Variants in EPHB2 observed in about 807,000 individuals in gnomAD.
EPHB2 encodes EPH receptor B2.
A neutral mutation model predicts 96.4 loss-of-function variants in EPHB2; 18 were observed. That is an observed-to-expected ratio of 0.19 (90% confidence interval 0.13 to 0.28). The LOEUF is 0.28. Among genes scored for constraint, EPHB2 ranks in the 10% least tolerant of loss-of-function variants. The pLI is 1.00. For missense variants in EPHB2, 989 were observed against 1,355.4 expected, an observed-to-expected ratio of 0.73 and a Z score of 4.25; for synonymous variants, 506 against 534.1, an observed-to-expected ratio of 0.95 and a Z score of 0.72.
chr1:22,907,485 A>C (rs1414071151), intron 11 of EPHB2, among the ~76,000 whole-genome samples: 2 of 152,232 alleles, frequency 1.3e-5, no homozygotes, highest in African/African-American at 4.8e-5. Context: ...AGACCAAGTC[A>C]ACCAACCAGA....
At chr1:22,730,653 G>GT (rs1643688104) in intron 1 of EPHB2, among the ~76,000 whole-genome samples, 1 of 152,018 alleles carries the variant, frequency 6.6e-6, no homozygotes, top group Non-Finnish European at 1.5e-5. Context: ...GGGGGAGGGT[G>GT]TTTCAGGCAG....
chr1:22,753,227 GCTGTGT>G (rs1353895636), intron 1 of EPHB2, among the ~76,000 whole-genome samples: 1 of 152,188 alleles, frequency 6.6e-6, no homozygotes, highest in African/African-American at 2.4e-5. Flanking sequence ...CCAAATCTTG[GCTGTGT>G]GACCCTGGGC....
chr1:22,796,697 T>C (rs1420002229), intron 3 of EPHB2, among the ~76,000 whole-genome samples: 8 of 152,238 alleles, frequency 5.3e-5, no homozygotes, highest in Non-Finnish European at 1.2e-4. Context: ...CGCCTGACTC[T>C]GTGCCTCTTG....
chr1:22,727,650 G>T (rs922307654), intron 1 of EPHB2, among the ~76,000 whole-genome samples: 1 of 152,096 alleles, frequency 6.6e-6, no homozygotes, highest in Non-Finnish European at 1.5e-5. Context: ...GGAACTTGGG[G>T]CTAGATCTAT....
chr1:22,720,679 A>G (rs1233785649), intron 1 of EPHB2, among the ~76,000 whole-genome samples: 1 of 31,008 alleles, frequency 3.2e-5, no homozygotes, highest in Non-Finnish European at 6.8e-5. Context: ...CCCCCGCCCC[A>G]GCACTTACCC....
intron 3 of EPHB2, among the ~76,000 whole-genome samples, chr1:22,854,576 T>C (rs1156455797): frequency 6.6e-6 from 1 of 152,214 alleles, no homozygotes; most frequent in Non-Finnish European, 1.5e-5. Context: ...TAAGTCTCTA[T>C]GTGATTTGGA....
At chr1:22,712,737 G>A (rs1643187235) in intron 1 of EPHB2, among the ~76,000 whole-genome samples, 1 of 152,212 alleles carries the variant, frequency 6.6e-6, no homozygotes, top group Admixed American at 6.5e-5. Context: ...CAGCCCTGGG[G>A]CCTGGCTGCT....
At chr1:22,780,050 G>A (rs536129629) in intron 1 of EPHB2, among the ~76,000 whole-genome samples, 2 of 152,336 alleles carry the variant, frequency 1.3e-5, no homozygotes, top group Admixed American at 6.5e-5. Context: ...GCTAGCCACG[G>A]TTTTCTCTCT....
intron 1 of EPHB2, among the ~76,000 whole-genome samples, chr1:22,727,080 T>C (rs1643598623): frequency 1.3e-5 from 2 of 152,196 alleles, no homozygotes; most frequent in African/African-American, 2.4e-5. Context: ...ATGGCTGACA[T>C]TGGAAGCAGT....
At chr1:22,841,354 C>T (rs1645465931) in intron 3 of EPHB2, among the ~76,000 whole-genome samples, 1 of 152,144 alleles carries the variant, frequency 6.6e-6, no homozygotes, top group African/African-American at 2.4e-5. Context: ...TGATCTTAAC[C>T]AGGGCCTCTT....
chr1:22,838,711 G>A (rs964448093), intron 3 of EPHB2, among the ~76,000 whole-genome samples: 1 of 152,160 alleles, frequency 6.6e-6, no homozygotes, highest in Non-Finnish European at 1.5e-5. Context: ...GATGGATCAC[G>A]AGGTCAGGAG....
intron 1 of EPHB2, among the ~76,000 whole-genome samples, chr1:22,726,695 T>A (rs1403851110): frequency 5.9e-5 from 9 of 152,218 alleles, no homozygotes; most frequent in African/African-American, 1.9e-4. Flanking sequence ...GTGCTGGGAT[T>A]ACAGGTGTGA....
At chr1:22,799,219 T>C (rs1406634082) in intron 3 of EPHB2, among the ~76,000 whole-genome samples, 3 of 152,100 alleles carry the variant, frequency 2.0e-5, no homozygotes, top group Middle Eastern at 3.2e-3. Flanking sequence ...CCTGATTCCA[T>C]TCTACCTGGT....
intron 1 of EPHB2, among the ~76,000 whole-genome samples, chr1:22,720,030 A>G (rs561013533): frequency 1.3e-5 from 2 of 152,198 alleles, no homozygotes; most frequent in Non-Finnish European, 2.9e-5. Context: ...GTGGCTTCAC[A>G]TACATCTTTG....
At chr1:22,892,772 T>C (rs1258253248) in intron 6 of EPHB2, 112 bp from the exon 7 acceptor site, 4 of 1,330,500 alleles carry the variant, frequency 3.0e-6, no homozygotes, top group Admixed American at 3.4e-5. Flanking sequence ...TTGGGAACCA[T>C]AGATGTTTAT....
At chr1:22,892,162 C>G (rs975822021) in intron 6 of EPHB2, among the ~76,000 whole-genome samples, 1 of 152,034 alleles carries the variant, frequency 6.6e-6, no homozygotes, top group African/African-American at 2.4e-5. Flanking sequence ...CCATCTGGAC[C>G]TTAGTTCTTG....
chr1:22,741,689 C>CAAA lies in EPHB2; in HGVS notation c.61+30651_61+30653dup, dbSNP rs1553160119. Reference sequence around the variant, plus strand: ...TGGTTTTCTTCCCAGCAAAAAAAAACAAAAAAACAAAAAACCTCAGTTTCT... The same window carrying CAAA: ...TGGTTTTCTTCCCAGCAAAAAAAAACAAAAAAAAAACAAAAAACCTCAGTTTCT... On this transcript the variant is annotated intron_variant, in intron 1 of 15. Transcript: ENST00000374630. Among the ~76,000 whole-genome samples, 145 of 126,574 alleles carry CAAA rather than the reference C, an allele frequency of 1.1e-3. 3 individuals are homozygous for CAAA. The highest frequency in any genetic ancestry group is 4.0e-3 in the African/African-American group (131 of 32,482). 83.0% of individuals were successfully genotyped at this position (126,574 alleles called of 152,430 possible). A position where few individuals can be genotyped will look rare whatever the true frequency, so the allele number is the denominator to read the frequency against.
At chr1:22,884,085 C>T (rs1229091048) in intron 6 of EPHB2, among the ~76,000 whole-genome samples, 1 of 151,896 alleles carries the variant, frequency 6.6e-6, no homozygotes, top group African/African-American at 2.4e-5. Context: ...TGAACATGGA[C>T]TCTGCCCCTC....
Position 22,784,772 on chromosome 1 carries a change from G to A in EPHB2, c.507G>A (p.Val169=), listed in dbSNP as rs199957897. ...CCGAGGTGCGGAGCTTCGGACCTGT[G>A]TCCCGCAGCGGCTTCTACCTGGCCT... is the stretch of plus-strand genomic sequence containing the variant. The part of the protein sequence containing the change: ...INTEVRSFGP[V]SRSGFYLAFQ... Residue 169 remains valine (V), a synonymous_variant, in exon 3 of 16, where the codon GTG becomes GTA. Coordinates refer to ENST00000374630, the MANE Select transcript of EPHB2 (RefSeq NM_017449.5). This position sits in a 1 kb window ranked among gnomAD's most constrained non-coding sequence, Gnocchi z 5.1. The A allele has an allele frequency of 9.3e-6, 15 of 1,608,172 alleles. No individual in the cohort carries two copies. The East Asian group carries it at 3.4e-4, about 36-fold the overall frequency.
Sources: allele counts gnomAD v4.1 joint callset (sites outside exome capture counted in the v4.1 genomes callset), GRCh38; gene constraint gnomAD v4.1.1; non-coding constraint Gnocchi (gnomAD v3.1); transcripts MANE v1.5; gene names NCBI Gene and HGNC (gene_info 2026-07-23, HGNC 2026-07-21).